LRMDA: variants seen among roughly 807,000 people sequenced by gnomAD.
LRMDA encodes leucine rich melanocyte differentiation associated.
A neutral mutation model predicts 29.8 loss-of-function variants in LRMDA; 18 were observed. The observed-to-expected ratio is 0.60, with a 90% CI of 0.42 to 0.90. The LOEUF (loss-of-function observed/expected upper bound fraction) is 0.90. Ranked by LOEUF, LRMDA falls within the 40% of genes least tolerant of loss-of-function variation. The pLI, the probability that LRMDA is intolerant of heterozygous loss-of-function variation, is 0.00. For missense variants in LRMDA, 273 were observed against 273.9 expected (o/e 1.00, Z 0.02); for synonymous variants, 125 against 109.4 (o/e 1.14, Z -0.89).
intron 2 of LRMDA, among the ~76,000 whole-genome samples, chr10:75,511,184 A>T (rs899710635): frequency 6.6e-6 from 1 of 151,936 alleles, no homozygotes; most frequent in Non-Finnish European, 1.5e-5. Context: ...ACAAAACAAA[A>T]ATTAGCCATG....
intron 2 of LRMDA, chr10:75,450,391 C>T (rs1438510131): frequency 6.6e-6 from 1 of 152,030 alleles, no homozygotes; most frequent in Non-Finnish European, 1.5e-5. Context: ...TTTTCAGTCT[C>T]TTGGGTGTCT....
chr10:76,192,006 C>T (rs781625422), intron 5 of LRMDA, among the ~76,000 whole-genome samples: 4 of 152,084 alleles, frequency 2.6e-5, no homozygotes, highest in Non-Finnish European at 5.9e-5. Context: ...CCAGGTCTCG[C>T]GTGCGGTATG....
chr10:76,377,950 A>G (rs932666953), intron 6 of LRMDA, among the ~76,000 whole-genome samples: 3 of 152,156 alleles, frequency 2.0e-5, no homozygotes, highest in African/African-American at 7.2e-5. Context: ...TAGGAATTGC[A>G]TTGAATCTGA....
chr10:76,514,780 G>A (rs2130801), intron 6 of LRMDA, among the ~76,000 whole-genome samples: 143,515 of 152,084 alleles, frequency 0.94, 68,248 homozygotes, highest in Non-Finnish European at 0.99. Context: ...ACTTTATTAC[G>A]CCATTTAAAG....
chr10:76,345,570 A>G (rs994280958), intron 6 of LRMDA, among the ~76,000 whole-genome samples: 3 of 151,430 alleles, frequency 2.0e-5, no homozygotes, highest in Non-Finnish European at 2.9e-5. Context: ...AAAAGGTGGG[A>G]CAATAAGAAT....
intron 2 of LRMDA, among the ~76,000 whole-genome samples, chr10:75,698,796 G>T (rs1242561601): frequency 1.3e-5 from 2 of 152,166 alleles, no homozygotes; most frequent in Non-Finnish European, 2.9e-5. Flanking sequence ...ATGAGTTGGG[G>T]ATTGAATAGA....
chr10:75,665,029 C>T (rs1841804098), intron 2 of LRMDA, among the ~76,000 whole-genome samples: 1 of 152,152 alleles, frequency 6.6e-6, no homozygotes, highest in Non-Finnish European at 1.5e-5. Flanking sequence ...CATCCAACTA[C>T]TACTTACTGG....
intron 6 of LRMDA, among the ~76,000 whole-genome samples, chr10:76,422,652 G>C (rs1310671933): frequency 6.6e-6 from 1 of 152,140 alleles, no homozygotes; most frequent in East Asian, 1.9e-4. Flanking sequence ...TTCTTAAGGG[G>C]AAGCTCTTCC....
intron 2 of LRMDA, among the ~76,000 whole-genome samples, chr10:75,952,438 T>C (rs1296899578): frequency 6.6e-6 from 1 of 152,186 alleles, no homozygotes; most frequent in Admixed American, 6.5e-5. Context: ...ATTTTGGAGA[T>C]AAGTGTTGAA....
chr10:76,538,952 G>A (rs1353838747), intron 6 of LRMDA, among the ~76,000 whole-genome samples: 3 of 152,052 alleles, frequency 2.0e-5, no homozygotes, highest in Non-Finnish European at 2.9e-5. Flanking sequence ...CTTTTTAGAG[G>A]TGGGAGTGAG....
chr10:75,564,425 G>A (rs888012468), intron 2 of LRMDA, among the ~76,000 whole-genome samples: 2 of 152,174 alleles, frequency 1.3e-5, no homozygotes, highest in Non-Finnish European at 2.9e-5. Context: ...AATTTTCCAG[G>A]TGCCGTCTTT....
chr10:75,603,233 G>T (rs937115358), intron 2 of LRMDA, among the ~76,000 whole-genome samples: 1 of 151,288 alleles, frequency 6.6e-6, no homozygotes, highest in African/African-American at 2.4e-5. Context: ...GGTGAAGAAG[G>T]AAGATCATGA....
At chr10:75,915,077 G>T (rs1589251775) in intron 2 of LRMDA, among the ~76,000 whole-genome samples, 1 of 137,396 alleles carries the variant, frequency 7.3e-6, no homozygotes, top group Non-Finnish European at 1.6e-5. Flanking sequence ...TGTCAGAGAA[G>T]TTTAAAGCTG....
At chr10:76,118,276 G>A (rs1034453532) in intron 5 of LRMDA, among the ~76,000 whole-genome samples, 5 of 152,162 alleles carry the variant, frequency 3.3e-5, no homozygotes, top group Non-Finnish European at 7.3e-5. Flanking sequence ...GAGAGGAGTG[G>A]AGTTAATTAA....
At chr10:76,310,895 G>C (rs990864114) in intron 5 of LRMDA, among the ~76,000 whole-genome samples, 13 of 152,180 alleles carry the variant, frequency 8.5e-5, no homozygotes, top group Non-Finnish European at 1.8e-4. Context: ...CAGAGTTTTA[G>C]GTCTTTCATG....
Position 76,558,916 on chromosome 10 carries a change from A to ATGT in LRMDA, c.*1631_*1633dup. 1 of 152,298 alleles carries ATGT rather than the reference A, an allele frequency of 6.6e-6. No homozygotes were observed. Among genetic ancestry groups the ATGT allele is most frequent in the African/African-American group, 2.4e-5 (1 of 41,570 alleles). The allele number at this position is 152,298 out of a possible 1,614,324, so 9.4% of individuals were successfully genotyped here. ...CCTCAAAACCATGAAAAATTGGAGAATGTTGAATGTTTGCATTTATCTCTC... is the reference window on the plus strand; with the variant it reads ...CCTCAAAACCATGAAAAATTGGAGAATGTTGTTGAATGTTTGCATTTATCTCTC... On this transcript the variant is annotated 3_prime_UTR_variant, in exon 7 of 7. Coordinates refer to ENST00000611255, the MANE Select transcript of LRMDA (RefSeq NM_001305581.2).
chr10:76,536,238 T>C (rs1331467055), intron 6 of LRMDA, among the ~76,000 whole-genome samples: 1 of 152,258 alleles, frequency 6.6e-6, no homozygotes, highest in Non-Finnish European at 1.5e-5. Context: ...TCACCATTGT[T>C]ACCTAATATG....
chr10:75,765,656 G>T (rs1378420118), intron 2 of LRMDA, among the ~76,000 whole-genome samples: 1 of 152,066 alleles, frequency 6.6e-6, no homozygotes, highest in African/African-American at 2.4e-5. Flanking sequence ...CACAGTGGTG[G>T]CTATATGAGC....
chr10:76,180,364 C>T (rs1352029822), intron 5 of LRMDA, among the ~76,000 whole-genome samples: 1 of 145,548 alleles, frequency 6.9e-6, no homozygotes, highest in Non-Finnish European at 1.5e-5. Context: ...CTGCTCACTG[C>T]AACCTCCCAG....
Sources: allele counts gnomAD v4.1 joint callset (sites outside exome capture counted in the v4.1 genomes callset), GRCh38; gene constraint gnomAD v4.1.1; transcripts MANE v1.5; gene names NCBI Gene and HGNC (gene_info 2026-07-23, HGNC 2026-07-21).